Variants in RDX observed in about 807,000 individuals in gnomAD.
RDX encodes the protein deafness, autosomal recessive 24.
RDX carries 32 observed loss-of-function variants against 83.7 expected under a neutral mutation model. The observed-to-expected ratio is 0.38, with a 90% CI of 0.29 to 0.51. RDX has a LOEUF of 0.51. Ranked by LOEUF, RDX falls within the 20% of genes least tolerant of loss-of-function variation. The pLI is 0.87. For missense variants in RDX, 600 were observed against 689.9 expected (o/e 0.87, Z 1.46); for synonymous variants, 229 against 222.7 (o/e 1.03, Z -0.25).
chr11:110,254,139 C>T (rs764262417), intron 8 of RDX, 30 bp from the exon 9 acceptor site: 3 of 1,589,282 alleles, frequency 1.9e-6, no homozygotes, highest in Non-Finnish European at 1.7e-6. Context: ...AATTTAAAAT[C>T]TTCCTCAAGG....
chr11:110,196,834 T>C (rs1368162884), intron 15 of RDX, among the ~76,000 whole-genome samples: 4 of 152,182 alleles, frequency 2.6e-5, no homozygotes, highest in Admixed American at 2.6e-4. Flanking sequence ...GTAATTTGGG[T>C]ACAGTCTGGT....
At chr11:110,196,615 A>G (rs1471668517) in intron 15 of RDX, among the ~76,000 whole-genome samples, 1 of 152,198 alleles carries the variant, frequency 6.6e-6, no homozygotes, top group Non-Finnish European at 1.5e-5. Context: ...TGCTTAGGGA[A>G]TGAGTTCACC....
intron 1 of RDX, chr11:110,288,300 A>C (rs1331261821): frequency 1.3e-5 from 2 of 152,232 alleles, no homozygotes; most frequent in Non-Finnish European, 2.9e-5. Flanking sequence ...GAGTTTTGTA[A>C]ATTTAAAAAG....
At chr11:110,195,857 A>C (rs1431988753) in intron 15 of RDX, 1 of 152,276 alleles carries the variant, frequency 6.6e-6, no homozygotes, top group African/African-American at 2.4e-5. Flanking sequence ...TAGAGTCCTG[A>C]AGATGGGGTG....
rs547233473 is a variant in RDX at position 110,258,724 on chromosome 11, T to C, written c.468-535A>G. ...ATTCTTCCTTTATGTATTTACTTTT[T>C]TGCTACTAATTTTGTTGTTTTAGGT... On this transcript the variant is annotated intron_variant, in intron 5 of 13. Transcript: ENST00000645495. 3.3e-5 allele frequency among the ~76,000 whole-genome samples: 5 copies of C among 152,306 alleles called. No individual in the cohort carries two copies. In the East Asian group the frequency reaches 9.6e-4, roughly 29 times the overall value.
intron 14 of RDX, among the ~76,000 whole-genome samples, chr11:110,208,758 ACCACCCTGG>A (rs1352500875): frequency 6.6e-6 from 1 of 152,164 alleles, no homozygotes; most frequent in Non-Finnish European, 1.5e-5. Flanking sequence ...GGAGTTCAAG[ACCACCCTGG>A]CCAACATGAT....
chr11:110,280,841 C>A (rs1488756486), intron 1 of RDX, among the ~76,000 whole-genome samples: 2 of 149,026 alleles, frequency 1.3e-5, no homozygotes, highest in Non-Finnish European at 3.0e-5. Context: ...AACAAACAAA[C>A]AAAAAAATGT....
rs1305082698 is a variant in RDX, at chr11:110,229,673, CTTG to C, written c.*2193_*2195del. On this transcript the variant is annotated 3_prime_UTR_variant, in exon 14 of 14. Transcript: ENST00000645495. ...TAAGAAATCCATATTGCAAATGGTT[CTTG>C]TTTAGAAAAATTCACACAGCCTTAA... 2.6e-5 allele frequency: 4 copies of C among 152,300 alleles called. No individual in the cohort carries two copies. The highest frequency in any genetic ancestry group is 4.4e-5 in the Non-Finnish European group (3 of 67,896). The allele number at this position is 152,300 out of a possible 1,614,324, so 9.4% of individuals were successfully genotyped here.
Position 110,271,742 on chromosome 11 carries a change from C to T in RDX, c.96+794G>A, listed in dbSNP as rs575274707. 3.9e-5 allele frequency among the ~76,000 whole-genome samples: 6 copies of T among 152,174 alleles called. No homozygotes were observed. In the South Asian group the frequency reaches 1.2e-3, roughly 32 times the overall value. The stretch of plus-strand genomic sequence containing the variant: ...TCAGTAGTCCCAGTTCCTTAACATA[C>T]CGGATACCTGACCTCCATATCCCAA... On this transcript the variant is annotated intron_variant, in intron 3 of 13. Transcript: ENST00000645495.
chr11:110,227,496 A>G (rs903080597), downstream of RDX, among the ~76,000 whole-genome samples: 4 of 152,190 alleles, frequency 2.6e-5, no homozygotes, highest in African/African-American at 9.6e-5. Flanking sequence ...GGTAAAAATA[A>G]GTTGCACTGA....
chr11:110,254,213 T>C (rs1859451426), intron 8 of RDX, 104 bp from the exon 9 acceptor site: 2 of 893,088 alleles, frequency 2.2e-6, no homozygotes, highest in Admixed American at 2.2e-5. Flanking sequence ...AATGTCATAT[T>C]ACATATAGTT....
intron 2 of RDX, 58 bp from the exon 3 acceptor site, chr11:110,272,677 C>T: frequency 4.4e-6 from 5 of 1,148,114 alleles, no homozygotes; most frequent in African/African-American, 1.5e-5. Context: ...CGTGAGAAAA[C>T]TTTTATGATT....
At chr11:110,226,429 T>C (rs1864437864), downstream of RDX, among the ~76,000 whole-genome samples, 4 of 152,070 alleles carry the variant, frequency 2.6e-5, no homozygotes, top group South Asian at 8.3e-4. Flanking sequence ...AAACATCAAA[T>C]TTATAGAGAC....
chr11:110,188,437 T>TTAATA (rs1863031506), intron 15 of RDX, among the ~76,000 whole-genome samples: 1 of 152,072 alleles, frequency 6.6e-6, no homozygotes, highest in African/African-American at 2.4e-5. Flanking sequence ...ATGTTCTCAC[T>TTAATA]TATAAGTGGG....
Position 110,236,156 on chromosome 11 carries a change from T to G in RDX, c.1287A>C (p.Ala429=), listed in dbSNP as rs781594376. 2 of 1,612,742 alleles carry G rather than the reference T, an allele frequency of 1.2e-6. No homozygotes were observed. The highest frequency in any genetic ancestry group is 8.5e-7 in the Non-Finnish European group (1 of 1,179,884). The change falls in exon 12 of 14, where the codon GCA becomes GCC. Residue 429 remains alanine (A), a synonymous_variant. Coordinates refer to ENST00000645495, the MANE Select transcript of RDX (RefSeq NM_002906.4). ...TTTTCTTCTTGGCTTCCTCTAGAAGTGCAATCTTGGCAGTGAATTCAGCAA... is the reference window on the plus strand; with the variant it reads ...TTTTCTTCTTGGCTTCCTCTAGAAGGGCAATCTTGGCAGTGAATTCAGCAA... ...AELAEFTAKI[A]LLEEAKKKKE...
intron 7 of RDX, among the ~76,000 whole-genome samples, chr11:110,256,838 G>C (rs1252642435): frequency 6.6e-6 from 1 of 152,046 alleles, no homozygotes; most frequent in African/African-American, 2.4e-5. Context: ...AAGATATTAG[G>C]GTAAAAATAG....
At chr11:110,220,565 C>G (rs1591121358) in intron 14 of RDX, among the ~76,000 whole-genome samples, 1 of 152,148 alleles carries the variant, frequency 6.6e-6, no homozygotes, top group Non-Finnish European at 1.5e-5. Flanking sequence ...CCAAACTGCA[C>G]TCGGCTCACT....
intron 14 of RDX, among the ~76,000 whole-genome samples, chr11:110,208,052 C>T (rs897208346): frequency 6.6e-6 from 1 of 151,294 alleles, no homozygotes; most frequent in Non-Finnish European, 1.5e-5. Context: ...AACTCCTGGG[C>T]TCAGGTGGTC....
chr11:110,269,941 C>T (rs1860232866), intron 3 of RDX, among the ~76,000 whole-genome samples: 1 of 152,032 alleles, frequency 6.6e-6, no homozygotes, highest in Non-Finnish European at 1.5e-5. Context: ...ACTCAAGAGG[C>T]TGAGGTGGGA....
Sources: gnomAD v4.1 joint callset for allele counts (sites outside exome capture counted in the v4.1 genomes callset) on GRCh38, gnomAD v4.1.1 for gene constraint, MANE v1.5 for transcripts, NCBI Gene and HGNC (gene_info 2026-07-23, HGNC 2026-07-21) for gene names.